The following RAC3 variants were observed in gnomAD, a reference collection of about 807,000 sequenced individuals.
RAC3 encodes the protein Rac family small GTPase 3.
A neutral mutation model predicts 19.0 loss-of-function variants in RAC3; 9 were observed. That is an observed-to-expected ratio of 0.47 (90% CI 0.29 to 0.83). The LOEUF (loss-of-function observed/expected upper bound fraction) is 0.83, where lower values mean the gene tolerates loss of function less well. Among genes scored for constraint, RAC3 ranks in the 40% least tolerant of loss-of-function variants. The pLI is 0.09. For missense variants in RAC3, 203 were observed against 260.8 expected (o/e 0.78, Z 1.53); for synonymous variants, 146 against 111.8 (o/e 1.31, Z -1.93).
rs776453521 is a variant in RAC3 at position 82,032,700 on chromosome 17, C to T, written c.108-11C>T. 1.9e-6 allele frequency: 3 copies of T among 1,611,890 alleles called. No individual in the cohort carries two copies. Among genetic ancestry groups the T allele is most frequent in the Non-Finnish European group, 1.7e-6 (2 of 1,178,956 alleles). ...CTCCCAAGCCCTGACCCTGCCCTCA[C>T]TGCTCTGCAGTTTTGACAACTACTC... is the stretch of plus-strand genomic sequence containing the variant. On this transcript the variant is annotated splice_polypyrimidine_tract_variant and intron_variant, in intron 2 of 5. Transcript: ENST00000306897.
chr17:82,032,664 T>G (rs372524727), intron 2 of RAC3, 47 bp from the exon 3 acceptor site: 93 of 1,563,806 alleles, frequency 5.9e-5, no homozygotes, highest in Non-Finnish European at 7.7e-5. Flanking sequence ...GGCTGGGGGT[T>G]TCTGGGACCC....
Position 82,033,869 on chromosome 17 carries a change from G to A in RAC3, c.*40G>A. On this transcript the variant is annotated 3_prime_UTR_variant, in exon 6 of 6. Coordinates refer to ENST00000306897, the MANE Select transcript of RAC3 (RefSeq NM_005052.3). The surrounding 1 kb of genome is among the most constrained non-coding windows in gnomAD (Gnocchi z 6.2). ...CGAGCCTGAGGGCTGGCGGGGAGCA[G>A]CCCTGGACGTGTCCGCTGTTGTGTT... The A allele has an allele frequency of 6.4e-7, 1 of 1,555,154 alleles. No individual in the cohort carries two copies. Among genetic ancestry groups the A allele is most frequent in the African/African-American group, 1.4e-5 (1 of 73,422 alleles).
rs542448832 is a variant in RAC3 at position 82,032,943 on chromosome 17, C to G, written c.226-4C>G. 1.3e-5 allele frequency: 21 copies of G among 1,613,648 alleles called. No homozygotes were observed. Among genetic ancestry groups the G allele is most frequent in the Middle Eastern group, 1.6e-4 (1 of 6,062 alleles). On this transcript the variant is annotated splice_region_variant and splice_polypyrimidine_tract_variant and intron_variant, in intron 3 of 5. Coordinates refer to ENST00000306897, the MANE Select transcript of RAC3 (RefSeq NM_005052.3). ...ACTCCACCAGGTCCCACCTTTTTCC[C>G]AAGGACGTCTTTCTGATCTGCTTCT... is the stretch of plus-strand genomic sequence containing the variant.
chr17:82,033,630 G>A lies in RAC3; in HGVS notation c.448+31G>A. The A allele has an allele frequency of 1.2e-6, 2 of 1,602,926 alleles. No homozygotes were observed. The highest frequency in any genetic ancestry group is 1.7e-6 in the Non-Finnish European group (2 of 1,172,642). On this transcript the variant is annotated intron_variant, in intron 5 of 5. Transcript: ENST00000306897. The surrounding 1 kb of genome is among the most constrained non-coding windows in gnomAD (Gnocchi z 6.2). Reference sequence around the variant, plus strand: ...TAGGCGCTGGCGGCCTGCAGGGGAGGGGTGGGGAGGCGCAGTAAGGGCCTC... The same window carrying A: ...TAGGCGCTGGCGGCCTGCAGGGGAGAGGTGGGGAGGCGCAGTAAGGGCCTC...
intron 1 of RAC3, 107 bp from the exon 2 acceptor site, chr17:82,032,280 C>T (rs1440039672): frequency 1.3e-5 from 14 of 1,076,982 alleles, no homozygotes; most frequent in South Asian, 1.1e-4. Context: ...CCCCTCTCGA[C>T]CCCAGACGCC....
In RAC3 at chr17:82,033,238, C is replaced by A. The variant is rs538222581; in HGVS notation, c.289-202C>A. On this transcript the variant is annotated intron_variant, in intron 4 of 5. Transcript: ENST00000306897. This position sits in a 1 kb window ranked among gnomAD's most constrained non-coding sequence, Gnocchi z 6.2. ...CTGGGGATGGGCCTTGACTAGGAGG[C>A]CCTGGGAGGTCTCCAGGTTCCCTGG... Among the ~76,000 whole-genome samples the A allele has an allele frequency of 2.4e-4, 36 of 152,260 alleles. No individual in the cohort carries two copies. Among genetic ancestry groups the A allele is most frequent in the African/African-American group, 8.4e-4 (35 of 41,542 alleles).
At chr17:82,032,262 G>A (rs2043437879) in intron 1 of RAC3, 125 bp from the exon 2 acceptor site, 3 of 845,380 alleles carry the variant, frequency 3.5e-6, no homozygotes, top group South Asian at 3.2e-5. Context: ...GATCTGGTGG[G>A]CTGGGTCCCC....
Position 82,032,319 on chromosome 17 carries a change from G to A in RAC3, c.36-68G>A, listed in dbSNP as rs1301430762. On this transcript the variant is annotated intron_variant, in intron 1 of 5. Coordinates refer to ENST00000306897, the MANE Select transcript of RAC3 (RefSeq NM_005052.3). ...AACTCGCCTCTGGCTCCGGGAGAGGGGGCTGCCCTTGCTGGGCAGAGGGTC... is the reference window on the plus strand; with the variant it reads ...AACTCGCCTCTGGCTCCGGGAGAGGAGGCTGCCCTTGCTGGGCAGAGGGTC... 4 of 1,512,524 alleles carry A rather than the reference G, an allele frequency of 2.6e-6. No homozygotes were observed. The East Asian group carries it at 6.8e-5, about 26-fold the overall frequency. 93.7% of individuals were successfully genotyped at this position (1,512,524 alleles called of 1,614,324 possible). A position where few individuals can be genotyped will look rare whatever the true frequency, so the allele number is the denominator to read the frequency against.
chr17:82,032,145 G>T, intron 1 of RAC3: 1 of 551,308 alleles, frequency 1.8e-6, no homozygotes, highest in Non-Finnish European at 3.2e-6. Flanking sequence ...CTCGGAGTCG[G>T]GGCCTCTGCC....
rs1259752266 is a variant in RAC3, at chr17:82,033,121, G to A, written c.288+112G>A. 7 of 1,227,376 alleles carry A rather than the reference G, an allele frequency of 5.7e-6. No individual in the cohort carries two copies. Among genetic ancestry groups the A allele is most frequent in the South Asian group, 2.5e-5 (2 of 80,598 alleles). 76.0% of individuals were successfully genotyped at this position (1,227,376 alleles called of 1,614,324 possible). ...CGGGTTCTGCCTGGGGTAGGCACAC[G>A]GAGTGGGGTCTGAAGATGACCATGG... is the stretch of plus-strand genomic sequence containing the variant. On this transcript the variant is annotated intron_variant, in intron 4 of 5. Transcript: ENST00000306897. This position sits in a 1 kb window ranked among gnomAD's most constrained non-coding sequence, Gnocchi z 6.2.
chr17:82,032,648 C>T lies in RAC3; in HGVS notation c.108-63C>T, dbSNP rs901294648. On this transcript the variant is annotated intron_variant, in intron 2 of 5. Coordinates refer to ENST00000306897, the MANE Select transcript of RAC3 (RefSeq NM_005052.3). ...GACTTGTGAACCCCAAGACACAGGC[C>T]AGCAGGGCTGGGGGTTTCTGGGACC... is the stretch of plus-strand genomic sequence containing the variant. The T allele has an allele frequency of 7.7e-5, 117 of 1,517,562 alleles. 1 individual carries two copies. The highest frequency in any genetic ancestry group is 1.1e-4 in the Non-Finnish European group (115 of 1,093,990). 94.0% of individuals were successfully genotyped at this position (1,517,562 alleles called of 1,614,324 possible).
At chr17:82,032,027 G>A (rs1467279937) in intron 1 of RAC3, 22 of 213,640 alleles carry the variant, frequency 1.0e-4, no homozygotes, top group Non-Finnish European at 7.2e-5. Flanking sequence ...TCCCGCTTGG[G>A]CTGGCTGCGG....
At position 82,033,373 on chromosome 17, in the gene RAC3, T is replaced by G. The variant is rs985499720; in HGVS notation, c.289-67T>G. ...CAGTGGGGAAAGTCCCTGAGGGCCGTGACTTGCTCAGGTGGGGCTGGGGTA... is the reference window on the plus strand; with the variant it reads ...CAGTGGGGAAAGTCCCTGAGGGCCGGGACTTGCTCAGGTGGGGCTGGGGTA... On this transcript the variant is annotated intron_variant, in intron 4 of 5. Transcript: ENST00000306897. The surrounding 1 kb of genome is among the most constrained non-coding windows in gnomAD (Gnocchi z 6.2). The G allele has an allele frequency of 1.3e-5, 19 of 1,476,062 alleles. No individual in the cohort carries two copies. The highest frequency in any genetic ancestry group is 1.6e-5 in the Non-Finnish European group (18 of 1,107,938). The allele number at this position is 1,476,062 out of a possible 1,614,324, so 91.4% of individuals were successfully genotyped here. A position where few individuals can be genotyped will look rare whatever the true frequency, so the allele number is the denominator to read the frequency against.
rs765517715 is a variant in RAC3, at chr17:82,033,820, C to A, written c.570C>A (p.Thr190=). The part of the protein sequence containing the change: ...PPVKKPGKKC[T]VF Reference sequence around the variant, plus strand: ...TGAAGAAGCCGGGGAAGAAGTGCACCGTCTTCTAGAGCCCTGGCCCACCCG... The same window carrying A: ...TGAAGAAGCCGGGGAAGAAGTGCACAGTCTTCTAGAGCCCTGGCCCACCCG... The change falls in exon 6 of 6, where the codon ACC becomes ACA. Residue 190 remains threonine, a synonymous_variant. Transcript: ENST00000306897. This position sits in a 1 kb window ranked among gnomAD's most constrained non-coding sequence, Gnocchi z 6.2. The A allele has an allele frequency of 3.1e-6, 5 of 1,600,456 alleles. No individual in the cohort carries two copies. The highest frequency in any genetic ancestry group is 3.3e-4 in the Middle Eastern group (2 of 6,062).
chr17:82,033,071 T>TTGTC lies in RAC3; in HGVS notation c.288+63_288+66dup. 6.5e-7 allele frequency: 1 copy of TTGTC among 1,529,248 alleles called. No individual in the cohort carries two copies. Among genetic ancestry groups the TTGTC allele is most frequent in the Non-Finnish European group, 9.0e-7 (1 of 1,112,620 alleles). The allele number at this position is 1,529,248 out of a possible 1,614,324, so 94.7% of individuals were successfully genotyped here. A position where few individuals can be genotyped will look rare whatever the true frequency, so the allele number is the denominator to read the frequency against. ...TTGCCCCAGTACCTGCCCCGACAAG[T>TTGTC]TGTCCTTTAGAGGCAATTGCGATAC... On this transcript the variant is annotated intron_variant, in intron 4 of 5. Transcript: ENST00000306897. This position sits in a 1 kb window ranked among gnomAD's most constrained non-coding sequence, Gnocchi z 6.2.
In RAC3 at chr17:82,032,940, T is replaced by C. The variant is rs756794478; in HGVS notation, c.226-7T>C. 5 of 1,613,556 alleles carry C rather than the reference T, an allele frequency of 3.1e-6. No homozygotes were observed. Among genetic ancestry groups the C allele is most frequent in the Admixed American group, 3.3e-5 (2 of 60,030 alleles). On this transcript the variant is annotated splice_region_variant and splice_polypyrimidine_tract_variant and intron_variant, in intron 3 of 5. Transcript: ENST00000306897. ...ACCACTCCACCAGGTCCCACCTTTT[T>C]CCCAAGGACGTCTTTCTGATCTGCT...
Position 82,033,772 on chromosome 17 carries a change from C to T in RAC3, c.522C>T (p.Arg174=), listed in dbSNP as rs150811488. Residue 174 remains arginine, a synonymous_variant, in exon 6 of 6, where the codon CGC becomes CGT. Coordinates refer to ENST00000306897, the MANE Select transcript of RAC3 (RefSeq NM_005052.3). The surrounding 1 kb of genome is among the most constrained non-coding windows in gnomAD (Gnocchi z 6.2). ...GLKTVFDEAI[R]AVLCPPPVKK... ...AGACAGTGTTTGACGAGGCGATCCGCGCGGTGCTCTGCCCGCCCCCAGTGA... is the reference window on the plus strand; with the variant it reads ...AGACAGTGTTTGACGAGGCGATCCGTGCGGTGCTCTGCCCGCCCCCAGTGA... 382 of 1,612,648 alleles carry T rather than the reference C, an allele frequency of 2.4e-4. No homozygotes were observed. In the African/African-American group the frequency reaches 3.0e-3, roughly 13 times the overall value.
chr17:82,033,721 C>T lies in RAC3; in HGVS notation c.471C>T (p.Cys157=), dbSNP rs2043455636. 6.2e-7 allele frequency: 1 copy of T among 1,612,898 alleles called. No homozygotes were observed. The highest frequency in any genetic ancestry group is 8.5e-7 in the Non-Finnish European group (1 of 1,179,816). Residue 157 remains cysteine, a synonymous_variant, in exon 6 of 6, where the codon TGC becomes TGT. Coordinates refer to ENST00000306897, the MANE Select transcript of RAC3 (RefSeq NM_005052.3). The surrounding 1 kb of genome is among the most constrained non-coding windows in gnomAD (Gnocchi z 6.2). ...TAGGCTCTGTGAAATACCTGGAGTG[C>T]TCAGCCCTGACCCAGCGGGGCCTGA... The part of the protein sequence containing the change: ...REIGSVKYLE[C]SALTQRGLKT...
Position 82,033,739 on chromosome 17 carries a change from G to T in RAC3, c.489G>T (p.Arg163=). 6.2e-7 allele frequency: 1 copy of T among 1,613,098 alleles called. No homozygotes were observed. The highest frequency in any genetic ancestry group is 8.5e-7 in the Non-Finnish European group (1 of 1,179,876). ...KYLECSALTQ[R]GLKTVFDEAI... ...TGGAGTGCTCAGCCCTGACCCAGCG[G>T]GGCCTGAAGACAGTGTTTGACGAGG... Residue 163 remains arginine (R), a synonymous_variant, in exon 6 of 6, where the codon CGG becomes CGT. Coordinates refer to ENST00000306897, the MANE Select transcript of RAC3 (RefSeq NM_005052.3). The surrounding 1 kb of genome is among the most constrained non-coding windows in gnomAD (Gnocchi z 6.2).
Sources: gnomAD v4.1 joint callset for allele counts (sites outside exome capture counted in the v4.1 genomes callset) on GRCh38, gnomAD v4.1.1 for gene constraint, Gnocchi (gnomAD v3.1) non-coding constraint, MANE v1.5 for transcripts, NCBI Gene and HGNC (gene_info 2026-07-23, HGNC 2026-07-21) for gene names.